Variants in RHOBTB1 observed in about 807,000 individuals in gnomAD.
RHOBTB1 encodes the protein Rho related BTB domain containing 1.
A neutral mutation model predicts 71.6 loss-of-function variants in RHOBTB1; 40 were observed. The observed-to-expected ratio is 0.56, with a 90% CI of 0.43 to 0.73. The LOEUF (loss-of-function observed/expected upper bound fraction) is 0.73. Ranked by LOEUF, RHOBTB1 falls within the 30% of genes least tolerant of loss-of-function variation. The pLI is 0.00. For synonymous variants in RHOBTB1, 319 were observed against 334.9 expected (o/e 0.95, Z 0.52); for missense variants, 797 against 894.0 (o/e 0.89, Z 1.38).
intron 1 of RHOBTB1, among the ~76,000 whole-genome samples, chr10:60,994,645 A>G (rs2086984753): frequency 6.6e-6 from 1 of 152,190 alleles, no homozygotes; most frequent in Non-Finnish European, 1.5e-5. Context: ...AATGCAATGC[A>G]TTTTATTATA....
At chr10:60,946,847 A>G (rs2085255307), upstream of RHOBTB1, among the ~76,000 whole-genome samples, 1 of 152,210 alleles carries the variant, frequency 6.6e-6, no homozygotes, top group Non-Finnish European at 1.5e-5. Context: ...GGGATAAAGA[A>G]CAGTCAGCCA....
intron 2 of RHOBTB1, among the ~76,000 whole-genome samples, chr10:60,978,369 A>T (rs1174726847): frequency 6.6e-6 from 1 of 152,180 alleles, no homozygotes; most frequent in Non-Finnish European, 1.5e-5. Context: ...TTATGTCTCC[A>T]CTTGCATAGA....
At chr10:60,935,386 A>G (rs1353541994) in intron 2 of RHOBTB1, among the ~76,000 whole-genome samples, 1 of 152,122 alleles carries the variant, frequency 6.6e-6, no homozygotes, top group African/African-American at 2.4e-5. Context: ...CTGTTTCTGT[A>G]TTTAGGTGCT....
At chr10:60,879,431 T>C (rs1054716222) in intron 7 of RHOBTB1, among the ~76,000 whole-genome samples, 1 of 152,082 alleles carries the variant, frequency 6.6e-6, no homozygotes, top group Non-Finnish European at 1.5e-5. Context: ...AGGCCTGGGC[T>C]CAAGCAATCC....
chr10:60,952,429 AG>A (rs1189189903), intron 2 of RHOBTB1, among the ~76,000 whole-genome samples: 2 of 152,214 alleles, frequency 1.3e-5, no homozygotes, highest in Admixed American at 6.5e-5. Context: ...TTGGGCATGA[AG>A]CCAAATGCTT....
At chr10:61,001,188 G>A (rs1393238270) in intron 1 of RHOBTB1, among the ~76,000 whole-genome samples, 1 of 152,146 alleles carries the variant, frequency 6.6e-6, no homozygotes, top group Non-Finnish European at 1.5e-5. Flanking sequence ...TGTCAGAGCA[G>A]CTGGGCTAGC....
At chr10:60,933,052 A>AAT (rs1413995350) in intron 2 of RHOBTB1, among the ~76,000 whole-genome samples, 2 of 152,248 alleles carry the variant, frequency 1.3e-5, no homozygotes, top group African/African-American at 4.8e-5. Flanking sequence ...GATTCAGGCA[A>AAT]ACAAGAAACT....
intron 1 of RHOBTB1, among the ~76,000 whole-genome samples, chr10:60,998,870 G>A (rs893461218): frequency 6.6e-6 from 1 of 152,206 alleles, no homozygotes; most frequent in Non-Finnish European, 1.5e-5. Context: ...AGACTGCAAC[G>A]CAGCAGGAAG....
At chr10:60,940,671 T>C (rs1011896821) in intron 2 of RHOBTB1, among the ~76,000 whole-genome samples, 1 of 152,250 alleles carries the variant, frequency 6.6e-6, no homozygotes, top group Non-Finnish European at 1.5e-5. Context: ...CGGTTCTGGA[T>C]GACTACATAA....
chr10:60,920,800 A>G (rs868000826), intron 2 of RHOBTB1, among the ~76,000 whole-genome samples: 7 of 151,924 alleles, frequency 4.6e-5, no homozygotes, highest in Admixed American at 6.6e-5. Context: ...GACTACAGGC[A>G]TGTGCCACCA....
At chr10:60,879,396 G>A (rs576722045) in intron 7 of RHOBTB1, among the ~76,000 whole-genome samples, 1 of 152,136 alleles carries the variant, frequency 6.6e-6, no homozygotes, top group South Asian at 2.1e-4. Context: ...GCCCAGGCTG[G>A]ACTGCAGTGG....
At chr10:60,977,774 C>T (rs576064945) in intron 2 of RHOBTB1, among the ~76,000 whole-genome samples, 1 of 152,120 alleles carries the variant, frequency 6.6e-6, no homozygotes, top group Non-Finnish European at 1.5e-5. Flanking sequence ...AAATCTCTGA[C>T]TTAATGTTGC....
chr10:60,880,206 A>T (rs879894975), intron 7 of RHOBTB1, among the ~76,000 whole-genome samples: 31,303 of 116,708 alleles, frequency 0.27, 3,624 homozygotes, highest in African/African-American at 0.38. Flanking sequence ...TGTGTGTGAG[A>T]GAGAGAGAGA....
chr10:60,953,495 CAGTTTT>C (rs2085482506), intron 2 of RHOBTB1, among the ~76,000 whole-genome samples: 7 of 152,164 alleles, frequency 4.6e-5, no homozygotes, highest in Admixed American at 4.6e-4. Flanking sequence ...TTTGTCTTAA[CAGTTTT>C]CAATACCTCA....
Position 60,970,163 on chromosome 10 carries a change from A to G in RHOBTB1, c.-62+15682T>C, listed in dbSNP as rs140221717. On this transcript the variant is annotated intron_variant, in intron 2 of 11. Transcript: ENST00000357917. ...AGTGATCACTGATTGTTTGCCTGTA[A>G]TAGTTAATAGCAACCTTTCTGTCAA... Among the ~76,000 whole-genome samples the G allele has an allele frequency of 5.2e-3, 794 of 152,238 alleles. 1 individual carries two copies. Among genetic ancestry groups the G allele is most frequent in the Non-Finnish European group, 7.1e-3 (483 of 68,014 alleles).
intron 2 of RHOBTB1, among the ~76,000 whole-genome samples, chr10:60,974,425 T>C (rs1461719569): frequency 6.6e-6 from 1 of 152,072 alleles, no homozygotes; most frequent in Non-Finnish European, 1.5e-5. Flanking sequence ...GAGAATACAA[T>C]GAATACTTAA....
At chr10:60,887,247 A>G (rs1312745266) in intron 6 of RHOBTB1, among the ~76,000 whole-genome samples, 2 of 152,214 alleles carry the variant, frequency 1.3e-5, no homozygotes, top group Non-Finnish European at 2.9e-5. Flanking sequence ...CTGTAACACA[A>G]TGGCCAGTGT....
the RHOBTB1 span, among the ~76,000 whole-genome samples, chr10:60,862,191 T>TTTTCTTTC: frequency 3.4e-4 from 52 of 150,826 alleles, no homozygotes; most frequent in African/African-American, 1.3e-3. Context: ...CTTTTTTTTC[T>TTTTCTTTC]TTTCTTTCTT....
chr10:60,938,238 G>A (rs1435996258), intron 2 of RHOBTB1, among the ~76,000 whole-genome samples: 2 of 152,148 alleles, frequency 1.3e-5, no homozygotes, highest in African/African-American at 4.8e-5. Flanking sequence ...AGCATTTCTG[G>A]ATGTACCTTG....
Sources: allele counts gnomAD v4.1 joint callset (sites outside exome capture counted in the v4.1 genomes callset), GRCh38; gene constraint gnomAD v4.1.1; transcripts MANE v1.5; gene names NCBI Gene and HGNC (gene_info 2026-07-23, HGNC 2026-07-21).